Variants in ZNF83 observed in about 807,000 individuals in gnomAD.
ZNF83 encodes the protein zinc finger protein 816B.
For synonymous variants in ZNF83, 209 were observed against 213.0 expected, an observed-to-expected ratio of 0.98 and a Z score of 0.17; for missense variants, 552 against 629.9, an observed-to-expected ratio of 0.88 and a Z score of 1.32.
At chr19:52,635,760 C>T (rs1298890209) in intron 1 of ZNF83, 3 of 151,964 alleles carry the variant, frequency 2.0e-5, no homozygotes, top group Non-Finnish European at 4.4e-5. Context: ...TCTGAAAGGC[C>T]AAGGTGGGCA....
At chr19:52,631,351 G>T (rs913567480) in intron 2 of ZNF83, among the ~76,000 whole-genome samples, 2 of 151,988 alleles carry the variant, frequency 1.3e-5, no homozygotes, top group South Asian at 4.1e-4. Flanking sequence ...GAGCCAGAAC[G>T]GCACCCTGTA....
intron 1 of ZNF83, among the ~76,000 whole-genome samples, chr19:52,674,519 G>C (rs1461147927): frequency 6.6e-6 from 1 of 152,116 alleles, no homozygotes; most frequent in Non-Finnish European, 1.5e-5. Context: ...CCTCTGTGTA[G>C]AAAGTCACAA....
intron 1 of ZNF83, among the ~76,000 whole-genome samples, chr19:52,637,490 T>C (rs544871173): frequency 6.6e-6 from 1 of 152,346 alleles, no homozygotes; most frequent in African/African-American, 2.4e-5. Context: ...TCTAGGTTTC[T>C]CTACGTTTCT....
upstream of ZNF83, among the ~76,000 whole-genome samples, chr19:52,639,688 G>T (rs1207109647): frequency 2.0e-5 from 3 of 151,746 alleles, no homozygotes; most frequent in Non-Finnish European, 4.4e-5. Context: ...AAAGTGCTGG[G>T]ATTATAGTCA....
At chr19:52,622,997 A>G (rs1352881055) in intron 2 of ZNF83, among the ~76,000 whole-genome samples, 1 of 149,180 alleles carries the variant, frequency 6.7e-6, no homozygotes, top group African/African-American at 2.5e-5. Context: ...GCATTCCTAC[A>G]GGACCTCCTC....
chr19:52,688,594 T>C lies in ZNF83; in HGVS notation c.-283+1849A>G, dbSNP rs559797434. On this transcript the variant is annotated intron_variant, in intron 1 of 5. Coordinates refer to the ZNF83 transcript ENST00000594682. ...TTCTGCTCCTCATTTTGTACCTCTC[T>C]CCTCTCCTGCTGTTTATCCCCTTCT... Among the ~76,000 whole-genome samples the C allele has an allele frequency of 2.6e-5, 4 of 152,082 alleles. No individual in the cohort carries two copies. The South Asian group carries it at 8.3e-4, about 32-fold the overall frequency.
intron 1 of ZNF83, among the ~76,000 whole-genome samples, chr19:52,682,566 G>A (rs2061939025): frequency 6.6e-6 from 1 of 152,076 alleles, no homozygotes; most frequent in South Asian, 2.1e-4. Flanking sequence ...AGCTACTCAG[G>A]AGGCTGAGGC....
intron 2 of ZNF83, among the ~76,000 whole-genome samples, chr19:52,625,974 T>G (rs1322734111): frequency 6.6e-6 from 1 of 152,202 alleles, no homozygotes; most frequent in African/African-American, 2.4e-5. Context: ...GCAAAAGGCC[T>G]CTTCTTCTGT....
At chr19:52,626,263 T>C (rs1373545194) in intron 2 of ZNF83, among the ~76,000 whole-genome samples, 5 of 152,096 alleles carry the variant, frequency 3.3e-5, no homozygotes, top group Non-Finnish European at 7.3e-5. Context: ...GCATTACAGA[T>C]ATATCACAAA....
At chr19:52,688,253 C>T (rs1209285172) in intron 1 of ZNF83, among the ~76,000 whole-genome samples, 1 of 152,044 alleles carries the variant, frequency 6.6e-6, no homozygotes, top group East Asian at 1.9e-4. Context: ...TCACTGCAGC[C>T]TGGACCTCCC....
At chr19:52,641,620 G>T (rs182560713), upstream of ZNF83, among the ~76,000 whole-genome samples, 5 of 152,072 alleles carry the variant, frequency 3.3e-5, no homozygotes, top group Non-Finnish European at 7.4e-5. Context: ...CTCTCTTGTT[G>T]CCCAGGCTGG....
chr19:52,680,772 C>G (rs1043956226), intron 1 of ZNF83, among the ~76,000 whole-genome samples: 6 of 145,936 alleles, frequency 4.1e-5, no homozygotes, highest in African/African-American at 8.0e-5. Context: ...GCCACTACGC[C>G]CGGCTAATTT....
chr19:52,655,406 T>C (rs1305854348), intron 3 of ZNF83: 2 of 722,794 alleles, frequency 2.8e-6, no homozygotes, highest in East Asian at 5.3e-5. Context: ...TCTAAGAAGC[T>C]GTCTATGACA....
intron 3 of ZNF83, chr19:52,652,714 T>A (rs2061457901): frequency 1.5e-6 from 1 of 674,568 alleles, no homozygotes; most frequent in Non-Finnish European, 2.6e-6. Context: ...TTTGTGAGAA[T>A]CATTACATTT....
intron 1 of ZNF83, among the ~76,000 whole-genome samples, chr19:52,667,825 T>C (rs909405801): frequency 6.6e-6 from 1 of 152,210 alleles, no homozygotes; most frequent in African/African-American, 2.4e-5. Flanking sequence ...TAAATATGTC[T>C]ACAAGGTTTT....
intron 3 of ZNF83, chr19:52,655,133 G>A (rs1428700947): frequency 6.3e-6 from 1 of 158,686 alleles, no homozygotes; most frequent in Non-Finnish European, 1.4e-5. Flanking sequence ...GTTGCAATGA[G>A]CTGAGATCAC....
intron 2 of ZNF83, chr19:52,618,650 G>A (rs1488092531): frequency 4.5e-6 from 2 of 442,320 alleles, no homozygotes; most frequent in Non-Finnish European, 7.7e-6. Flanking sequence ...ACAAGCTTTG[G>A]CCTCCCAAAG....
chr19:52,678,937 T>C lies in ZNF83; in HGVS notation c.-283+11506A>G, dbSNP rs2061863092. On this transcript the variant is annotated intron_variant, in intron 1 of 5. Coordinates refer to the ZNF83 transcript ENST00000594682. ...TTGCAGTGAGCTGAGATCACACAAC[T>C]GCCTCCACCCTGGGTGACAGAGCAA... Among the ~76,000 whole-genome samples, 4 of 149,698 alleles carry C rather than the reference T, an allele frequency of 2.7e-5. No individual in the cohort carries two copies. The Admixed American group carries it at 2.7e-4, about 10-fold the overall frequency.
At chr19:52,683,549 A>G (rs8111553) in intron 1 of ZNF83, among the ~76,000 whole-genome samples, 1 of 135,876 alleles carries the variant, frequency 7.4e-6, no homozygotes, top group African/African-American at 3.0e-5. Flanking sequence ...CCCTGCCCAT[A>G]ATGGCCAAAC....
Sources: gnomAD v4.1 joint callset for allele counts (sites outside exome capture counted in the v4.1 genomes callset) on GRCh38, gnomAD v4.1.1 for gene constraint, MANE v1.5 for transcripts, NCBI Gene and HGNC (gene_info 2026-07-23, HGNC 2026-07-21) for gene names.